NR5A2: variants seen among roughly 807,000 people sequenced by gnomAD.
The protein encoded by NR5A2 is CYP7A promoter-binding factor.
A neutral mutation model predicts 62.7 loss-of-function variants in NR5A2; 26 were observed. That is an observed-to-expected ratio of 0.41 (90% CI 0.30 to 0.58). The LOEUF (loss-of-function observed/expected upper bound fraction) is 0.58, where lower values mean the gene tolerates loss of function less well. NR5A2 is among the 20% of genes least tolerant of loss of function. The pLI is 0.22. For missense variants in NR5A2, 541 were observed against 669.1 expected (o/e 0.81, Z 2.11); for synonymous variants, 246 against 241.7 (o/e 1.02, Z -0.16).
At chr1:200,155,397 A>T (rs541998110) in intron 7 of NR5A2, among the ~76,000 whole-genome samples, 1 of 152,336 alleles carries the variant, frequency 6.6e-6, no homozygotes, top group East Asian at 1.9e-4. Context: ...ATCTTACTGT[A>T]ATAATTATAC....
chr1:200,068,475 T>C (rs2102210800), intron 5 of NR5A2, among the ~76,000 whole-genome samples: 1 of 152,344 alleles, frequency 6.6e-6, no homozygotes, highest in South Asian at 2.1e-4. Context: ...GATAATATTT[T>C]GTCTGATATC....
intron 5 of NR5A2, among the ~76,000 whole-genome samples, chr1:200,056,933 T>C (rs1036251065): frequency 2.6e-5 from 4 of 152,188 alleles, no homozygotes; most frequent in African/African-American, 7.2e-5. Context: ...CCTGACTGCC[T>C]CATTCTGTGT....
chr1:200,052,996 G>A (rs1010967677), intron 5 of NR5A2, among the ~76,000 whole-genome samples: 1 of 152,190 alleles, frequency 6.6e-6, no homozygotes, highest in Non-Finnish European at 1.5e-5. Flanking sequence ...AGGAAAAAAA[G>A]AGAATTTCAT....
intron 1 of NR5A2, among the ~76,000 whole-genome samples, chr1:200,035,832 G>A (rs1661752681): frequency 6.6e-6 from 1 of 152,146 alleles, no homozygotes; most frequent in Non-Finnish European, 1.5e-5. Context: ...GGGGAGGTGG[G>A]GGAAAAGGAG....
chr1:200,144,219 TCTCTCTCTCTCTCTCACA>T (rs1387497566), intron 7 of NR5A2, among the ~76,000 whole-genome samples: 1 of 9,538 alleles, frequency 1.0e-4, no homozygotes, highest in Non-Finnish European at 3.3e-4. Flanking sequence ...ACTGTTTCTC[TCTCTCTCTCTCTCTCACA>T]CACACACACA....
rs1662468369 is a variant in NR5A2, at chr1:200,048,273, A to C, written c.565A>C (p.Asn189His). The C allele has an allele frequency of 1.2e-6, 2 of 1,614,042 alleles. No individual in the cohort carries two copies. Residue 189 changes from asparagine to histidine, a missense_variant, in exon 5 of 8, where the codon AAT (asparagine) becomes CAT (histidine). This residue lies in a region of NR5A2 where 379 missense variants were observed against 442.0 expected (regional missense o/e 0.86). Coordinates refer to ENST00000367362, the MANE Select transcript of NR5A2 (RefSeq NM_205860.3). The surrounding 1 kb of genome is among the most constrained non-coding windows in gnomAD (Gnocchi z 4.8). ...KQQKKALIRANGLKLEAMSQV... is the reference protein window; with the variant it reads ...KQQKKALIRAHGLKLEAMSQV... ...ACAGAAAAAAGCCCTCATCCGAGCCAATGGACTTAAGCTAGAAGCCATGTC... is the reference window on the plus strand; with the variant it reads ...ACAGAAAAAAGCCCTCATCCGAGCCCATGGACTTAAGCTAGAAGCCATGTC...
intron 5 of NR5A2, among the ~76,000 whole-genome samples, chr1:200,064,114 G>A (rs868728002): frequency 3.4e-4 from 51 of 150,056 alleles, no homozygotes; most frequent in African/African-American, 1.2e-3. Flanking sequence ...GCACCATCGC[G>A]CTCCAGCCTG....
chr1:200,100,022 A>G (rs922768276), intron 5 of NR5A2, among the ~76,000 whole-genome samples: 5 of 152,230 alleles, frequency 3.3e-5, no homozygotes, highest in African/African-American at 7.2e-5. Context: ...CCTTCTTGAC[A>G]TTCCAAGCAA....
At chr1:200,057,767 C>A in intron 5 of NR5A2, 1 of 207,194 alleles carries the variant, frequency 4.8e-6, no homozygotes, top group Admixed American at 6.2e-5. Flanking sequence ...GGGCATGAGC[C>A]ACTGCGCCTG....
At chr1:200,035,544 G>A (rs185681705) in intron 1 of NR5A2, among the ~76,000 whole-genome samples, 1 of 152,168 alleles carries the variant, frequency 6.6e-6, no homozygotes, top group Non-Finnish European at 1.5e-5. Context: ...CGGGAAGGAG[G>A]GGGTGGGGAG....
chr1:200,052,892 G>A (rs1023979638), intron 5 of NR5A2, among the ~76,000 whole-genome samples: 5 of 152,114 alleles, frequency 3.3e-5, no homozygotes, highest in Admixed American at 6.5e-5. Context: ...CGCCCGCCTT[G>A]GCCTCCCAAA....
intron 5 of NR5A2, among the ~76,000 whole-genome samples, chr1:200,069,172 T>G (rs1379128579): frequency 6.6e-6 from 1 of 152,066 alleles, no homozygotes; most frequent in East Asian, 1.9e-4. Context: ...CCCTAAGAAA[T>G]TTTTAATATG....
At chr1:200,051,528 A>G (rs1379355648) in intron 5 of NR5A2, among the ~76,000 whole-genome samples, 3 of 152,208 alleles carry the variant, frequency 2.0e-5, no homozygotes, top group African/African-American at 2.4e-5. Context: ...TAGAATACGA[A>G]AAAAGGAAAA....
At chr1:200,135,484 G>C (rs1667177786) in intron 7 of NR5A2, among the ~76,000 whole-genome samples, 1 of 150,758 alleles carries the variant, frequency 6.6e-6, no homozygotes, top group African/African-American at 2.4e-5. Context: ...TTGCGCCCCT[G>C]CTCTCCAGCC....
At chr1:200,119,742 T>C (rs1571510369) in intron 6 of NR5A2, among the ~76,000 whole-genome samples, 1 of 152,282 alleles carries the variant, frequency 6.6e-6, no homozygotes, top group Non-Finnish European at 1.5e-5. Context: ...TTCTCCTGCC[T>C]CAGCCTCCCC....
intron 5 of NR5A2, among the ~76,000 whole-genome samples, chr1:200,108,211 A>G (rs1371007382): frequency 2.4e-4 from 37 of 151,794 alleles, no homozygotes. Flanking sequence ...CTCCCACCTC[A>G]GCCTCCGGAG....
At chr1:200,034,125 G>A (rs949313195) in intron 1 of NR5A2, among the ~76,000 whole-genome samples, 3 of 152,170 alleles carry the variant, frequency 2.0e-5, no homozygotes, top group Non-Finnish European at 4.4e-5. Flanking sequence ...TTTTGTTCCT[G>A]ACCCAGGTTG....
At chr1:200,103,127 T>TTTC in intron 5 of NR5A2, among the ~76,000 whole-genome samples, 1 of 145,846 alleles carries the variant, frequency 6.9e-6, no homozygotes, top group African/African-American at 2.5e-5. Context: ...AAACTCTTTT[T>TTTC]TTTTTTTTTT....
chr1:200,057,722 C>T, intron 5 of NR5A2: 1 of 258,728 alleles, frequency 3.9e-6, no homozygotes, highest in South Asian at 3.4e-5. Flanking sequence ...TCAGGGTGAT[C>T]TGCCTGCCTC....
Sources: gnomAD v4.1 joint callset for allele counts (sites outside exome capture counted in the v4.1 genomes callset) on GRCh38, gnomAD v4.1.1 for gene constraint, gnomAD v4.1.1 regional missense constraint, Gnocchi (gnomAD v3.1) non-coding constraint, MANE v1.5 for transcripts, NCBI Gene and HGNC (gene_info 2026-07-23, HGNC 2026-07-21) for gene names.